Variants in PUM1 observed in about 807,000 individuals in gnomAD.
PUM1 encodes the protein pumilio homolog 1.
In PUM1, 13 loss-of-function variants were observed where a neutral mutation model predicts 131.8. The observed-to-expected ratio is 0.10, with a 90% CI of 0.06 to 0.16. PUM1 has a LOEUF of 0.16. Ranked by LOEUF, PUM1 falls within the 10% of genes least tolerant of loss-of-function variation. The probability of loss-of-function intolerance (pLI) is 1.00; values close to 1 mark genes in which losing one functional copy is unlikely to be tolerated. For synonymous variants in PUM1, 509 were observed against 556.5 expected (o/e 0.91, Z 1.20); for missense variants, 961 against 1,512.4 (o/e 0.64, Z 6.05).
At chr1:31,046,832 T>A (rs1273629805) in intron 2 of PUM1, among the ~76,000 whole-genome samples, 2 of 151,950 alleles carry the variant, frequency 1.3e-5, no homozygotes, top group Non-Finnish European at 2.9e-5. Flanking sequence ...AATTCCCAAG[T>A]ATTAAACTTA....
intron 3 of PUM1, among the ~76,000 whole-genome samples, chr1:31,010,423 G>A (rs943127051): frequency 2.6e-5 from 4 of 152,172 alleles, no homozygotes; most frequent in Non-Finnish European, 4.4e-5. Context: ...CAAAAGCTGT[G>A]ATTTCCATCT....
At chr1:30,950,021 T>G in intron 17 of PUM1, 106 bp downstream of exon 17, 1 of 1,340,662 alleles carries the variant, frequency 7.5e-7, no homozygotes, top group East Asian at 2.4e-5. Context: ...TAAGCAACAA[T>G]GCAAAACCAT....
At chr1:30,948,385 G>A (rs1335945142) in intron 17 of PUM1, among the ~76,000 whole-genome samples, 2 of 151,934 alleles carry the variant, frequency 1.3e-5, no homozygotes, top group Non-Finnish European at 2.9e-5. Context: ...AATAATAAAG[G>A]GTAGGAAGCA....
chr1:30,964,817 A>T lies in PUM1; in HGVS notation c.2180T>A (p.Ile727Asn), dbSNP rs750056686. Residue 727 changes from isoleucine to asparagine, a missense_variant, in exon 14 of 22, where the codon ATT becomes AAT. Coordinates refer to ENST00000426105, the MANE Select transcript of PUM1 (RefSeq NM_001020658.2). ...AAGGCCGTTATAAAAACTGTGTCCA[A>T]TGGGGGTCAAGCTGCTCGATGTCCT... ...YKRTSSSLTP[I>N]GHSFYNGLSF... The T allele has an allele frequency of 6.2e-7, 1 of 1,614,108 alleles. No homozygotes were observed. Among genetic ancestry groups the T allele is most frequent in the East Asian group, 2.2e-5 (1 of 44,874 alleles).
chr1:30,993,807 A>G (rs139191188), intron 6 of PUM1, among the ~76,000 whole-genome samples: 89 of 152,302 alleles, frequency 5.8e-4, no homozygotes, highest in Middle Eastern at 6.8e-3. Context: ...ATGGTGGCTC[A>G]TGCCTGTAAT....
At chr1:31,031,511 A>G (rs755065701) in intron 2 of PUM1, among the ~76,000 whole-genome samples, 3 of 152,208 alleles carry the variant, frequency 2.0e-5, no homozygotes, top group Non-Finnish European at 4.4e-5. Flanking sequence ...AGGGAAAAGC[A>G]TAGGAGGAAA....
At chr1:30,935,673 G>A (rs542515932) in intron 21 of PUM1, 13 of 381,766 alleles carry the variant, frequency 3.4e-5, no homozygotes, top group African/African-American at 2.8e-4. Flanking sequence ...TGACTCAGGG[G>A]TGGTGGGTGT....
intron 2 of PUM1, among the ~76,000 whole-genome samples, chr1:31,043,347 C>T (rs1643882504): frequency 6.6e-6 from 1 of 151,752 alleles, no homozygotes; most frequent in Non-Finnish European, 1.5e-5. Context: ...GGATTATAGG[C>T]ACCCCCCCAT....
chr1:31,011,552 T>C (rs1312722219), intron 3 of PUM1, among the ~76,000 whole-genome samples: 2 of 152,176 alleles, frequency 1.3e-5, no homozygotes, highest in Non-Finnish European at 2.9e-5. Flanking sequence ...ACTACTGAAT[T>C]ATAAAACCAA....
intron 2 of PUM1, among the ~76,000 whole-genome samples, chr1:31,044,541 G>A (rs1312038824): frequency 6.6e-6 from 1 of 152,202 alleles, no homozygotes; most frequent in Non-Finnish European, 1.5e-5. Context: ...TAAAGAGACA[G>A]AAGTGGACTG....
intron 2 of PUM1, among the ~76,000 whole-genome samples, chr1:31,029,365 A>C (rs1397913084): frequency 6.6e-6 from 1 of 152,294 alleles, no homozygotes. Context: ...GTATCCCAAT[A>C]TCTCTCCATA....
At position 30,945,373 on chromosome 1, in the gene PUM1, T is replaced by C. The variant is rs1371451769; in HGVS notation, c.2967A>G (p.Gln989=). ...CIECVQPQSL[Q]FIIDAFKGQV... is the part of the protein sequence containing the mutation. The stretch of plus-strand genomic sequence containing the variant: ...GTCCCTTAAACGCATCGATGATAAA[T>C]TGCAAAGACTGGGGCTGTACACATT... Residue 989 remains glutamine (Q), a synonymous_variant, in exon 18 of 22, where the codon CAA becomes CAG. Coordinates refer to ENST00000426105, the MANE Select transcript of PUM1 (RefSeq NM_001020658.2). The C allele has an allele frequency of 1.2e-6, 2 of 1,614,180 alleles. No individual in the cohort carries two copies. Among genetic ancestry groups the C allele is most frequent in the South Asian group, 2.2e-5 (2 of 91,084 alleles).
intron 6 of PUM1, among the ~76,000 whole-genome samples, chr1:30,993,232 A>T (rs1025548877): frequency 1.3e-5 from 2 of 152,190 alleles, no homozygotes; most frequent in Admixed American, 6.5e-5. Context: ...CCAAAGTAGT[A>T]CAAGATGAAC....
intron 3 of PUM1, among the ~76,000 whole-genome samples, chr1:31,025,545 C>CTTTTTT (rs35510099): frequency 4.3e-4 from 38 of 88,808 alleles, no homozygotes; most frequent in East Asian, 7.7e-4. Flanking sequence ...TGTTTTTTGT[C>CTTTTTT]TTTTTTTTTT....
intron 7 of PUM1, among the ~76,000 whole-genome samples, chr1:30,983,823 G>C (rs1641447006): frequency 6.7e-6 from 1 of 150,164 alleles, no homozygotes; most frequent in Admixed American, 6.7e-5. Flanking sequence ...GGCTGGTCTG[G>C]AACTCCTGGG....
chr1:31,015,296 A>G (rs1489433553), intron 3 of PUM1, among the ~76,000 whole-genome samples: 1 of 152,040 alleles, frequency 6.6e-6, no homozygotes, highest in Non-Finnish European at 1.5e-5. Flanking sequence ...TAAATAAGGC[A>G]TATCTCTCAA....
intron 2 of PUM1, among the ~76,000 whole-genome samples, chr1:31,029,913 CAAAAAAAAAAAA>C (rs10592751): frequency 4.5e-4 from 54 of 120,022 alleles, no homozygotes; most frequent in African/African-American, 1.6e-3. Context: ...GATCCTTTTT[CAAAAAAAAAAAA>C]AAAAAAAAGG....
intron 15 of PUM1, 123 bp from the exon 16 acceptor site, chr1:30,952,486 A>G: frequency 7.0e-7 from 1 of 1,434,908 alleles, no homozygotes; most frequent in East Asian, 2.4e-5. Context: ...GTGCACACAC[A>G]TGCACACAAT....
chr1:30,933,244 C>G lies in PUM1; in HGVS notation c.3534G>C (p.Gly1178=). The G allele has an allele frequency of 6.2e-7, 1 of 1,613,664 alleles. No homozygotes were observed. Among genetic ancestry groups the G allele is most frequent in the Non-Finnish European group, 8.5e-7 (1 of 1,179,822 alleles). ...TACCATTAGGGGGGCCACAGATGGG[C>G]CCTAAGTCAACACCGTTCTTCATGT... ...KYYMKNGVDL[G]PICGPPNGII is the part of the protein sequence containing the mutation. Residue 1178 remains glycine, a synonymous_variant, in exon 22 of 22, where the codon GGG becomes GGC. Transcript: ENST00000426105.
Sources: gnomAD v4.1 joint callset for allele counts (sites outside exome capture counted in the v4.1 genomes callset) on GRCh38, gnomAD v4.1.1 for gene constraint, MANE v1.5 for transcripts, NCBI Gene and HGNC (gene_info 2026-07-23, HGNC 2026-07-21) for gene names.